The following NR6A1 variants were observed in gnomAD, a reference collection of about 807,000 sequenced individuals.
NR6A1 encodes retinoic acid receptor-related testis-associated receptor.
Under a neutral mutation model 59.1 loss-of-function variants are expected in NR6A1, and 7 were observed. The ratio of observed to expected loss-of-function variants is 0.12; its 90% CI spans 0.07 to 0.22. The LOEUF (loss-of-function observed/expected upper bound fraction) is 0.22. Ranked by LOEUF, NR6A1 falls within the 10% of genes least tolerant of loss-of-function variation. The pLI, the probability that NR6A1 is intolerant of heterozygous loss-of-function variation, is 1.00. For missense variants in NR6A1, 468 were observed against 611.6 expected, an observed-to-expected ratio of 0.77 and a Z score of 2.48; for synonymous variants, 243 against 236.1, an observed-to-expected ratio of 1.03 and a Z score of -0.27.
intron 2 of NR6A1, among the ~76,000 whole-genome samples, chr9:124,708,454 A>G (rs1372602137): frequency 2.0e-5 from 3 of 152,068 alleles, no homozygotes; most frequent in African/African-American, 7.2e-5. Flanking sequence ...GGGGAGAGAG[A>G]ATTTTTTGAC....
At chr9:124,688,597 G>A (rs1564238174) in intron 2 of NR6A1, among the ~76,000 whole-genome samples, 1 of 152,222 alleles carries the variant, frequency 6.6e-6, no homozygotes, top group Non-Finnish European at 1.5e-5. Flanking sequence ...GTGATGGCAA[G>A]AGTATTCACT....
chr9:124,663,209 A>G (rs1837499555), intron 2 of NR6A1, among the ~76,000 whole-genome samples: 1 of 152,228 alleles, frequency 6.6e-6, no homozygotes, highest in Non-Finnish European at 1.5e-5. Flanking sequence ...AACAAATGGT[A>G]CTACCCACAA....
intron 2 of NR6A1, among the ~76,000 whole-genome samples, chr9:124,644,297 TG>T (rs1836869297): frequency 2.5e-5 from 2 of 80,224 alleles, no homozygotes; most frequent in African/African-American, 4.7e-5. Flanking sequence ...TTTTGAGACA[TG>T]GTTTCGCTCT....
rs576151663 is a variant in NR6A1 at position 124,649,408 on chromosome 9, GAAGA to G, written c.142+83896_142+83899del. 5.9e-4 allele frequency among the ~76,000 whole-genome samples: 90 copies of G among 152,168 alleles called. 1 individual carries two copies. In the South Asian group the frequency reaches 0.018, roughly 31 times the overall value. On this transcript the variant is annotated intron_variant, in intron 2 of 9. Coordinates refer to ENST00000487099, the MANE Select transcript of NR6A1 (RefSeq NM_033334.4). ...TGGGAAAGCGAGATGTCCATATGCA[GAAGA>G]AAGAAACTAGATCCTGTTCTCTTAC...
chr9:124,687,800 T>C (rs908623297), intron 2 of NR6A1, among the ~76,000 whole-genome samples: 1 of 152,204 alleles, frequency 6.6e-6, no homozygotes, highest in Non-Finnish European at 1.5e-5. Flanking sequence ...CAAAATAAGA[T>C]AGCTAAATGC....
In NR6A1 at chr9:124,650,672, T is replaced by C. The variant is rs115767445; in HGVS notation, c.142+82636A>G. Among the ~76,000 whole-genome samples the C allele has an allele frequency of 4.2e-3, 639 of 152,326 alleles. 8 individuals are homozygous for C. Among genetic ancestry groups the C allele is most frequent in the African/African-American group, 0.015 (606 of 41,572 alleles). On this transcript the variant is annotated intron_variant, in intron 2 of 9. Coordinates refer to ENST00000487099, the MANE Select transcript of NR6A1 (RefSeq NM_033334.4). ...CCCAATTTGATCATTACACATTGTA[T>C]GCATGTATCAAAATATCACATGTAC... is the stretch of plus-strand genomic sequence containing the variant.
At chr9:124,651,425 T>C (rs940797698) in intron 2 of NR6A1, among the ~76,000 whole-genome samples, 2 of 152,236 alleles carry the variant, frequency 1.3e-5, no homozygotes, top group Non-Finnish European at 2.9e-5. Context: ...CTTTGTCTTA[T>C]GAACCTTGGA....
intron 2 of NR6A1, among the ~76,000 whole-genome samples, chr9:124,616,489 G>C (rs966219384): frequency 6.6e-6 from 1 of 151,034 alleles, no homozygotes; most frequent in Admixed American, 6.6e-5. Flanking sequence ...ATAATATACT[G>C]AGGGGGTGTC....
intron 2 of NR6A1, among the ~76,000 whole-genome samples, chr9:124,653,733 T>C (rs183589797): frequency 2.6e-4 from 40 of 152,254 alleles, no homozygotes; most frequent in Admixed American, 9.8e-4. Flanking sequence ...TTTTGAGAAA[T>C]TGAAAAAATA....
intron 6 of NR6A1, among the ~76,000 whole-genome samples, chr9:124,537,631 C>CT (rs1833309252): frequency 6.6e-6 from 1 of 152,176 alleles, no homozygotes; most frequent in Non-Finnish European, 1.5e-5. Flanking sequence ...AAGAATACTC[C>CT]TTCTACCCAC....
At chr9:124,663,889 G>A (rs1252343897) in intron 2 of NR6A1, among the ~76,000 whole-genome samples, 2 of 152,066 alleles carry the variant, frequency 1.3e-5, no homozygotes, top group Non-Finnish European at 2.9e-5. Context: ...ATTTAATGCT[G>A]ATACAAAGTT....
chr9:124,663,566 G>A (rs1057306459), intron 2 of NR6A1, among the ~76,000 whole-genome samples: 10 of 151,956 alleles, frequency 6.6e-5, no homozygotes, highest in Admixed American at 4.6e-4. Context: ...TATAAACACT[G>A]ACCAGTGTTT....
intron 2 of NR6A1, among the ~76,000 whole-genome samples, chr9:124,718,803 CTTTTTTTTTT>C (rs11316308): frequency 7.7e-5 from 5 of 64,538 alleles, no homozygotes; most frequent in Non-Finnish European, 1.1e-4. Flanking sequence ...AAATTGTTAC[CTTTTTTTTTT>C]TTTTTTTTTT....
intron 2 of NR6A1, among the ~76,000 whole-genome samples, chr9:124,660,832 T>C (rs79023332): frequency 0.01 from 1,573 of 152,082 alleles, 27 homozygotes; most frequent in African/African-American, 0.036. Flanking sequence ...GTAAGAAATA[T>C]CAAAAGCATC....
chr9:124,543,890 A>G, intron 3 of NR6A1, 33 bp from the exon 4 acceptor site: 1 of 1,589,240 alleles, frequency 6.3e-7, no homozygotes, highest in Non-Finnish European at 8.6e-7. Context: ...AAAGGCAGTC[A>G]GAAGCACACT....
intron 1 of NR6A1, among the ~76,000 whole-genome samples, chr9:124,751,870 C>T (rs76911683): frequency 0.016 from 2,511 of 152,234 alleles, 77 homozygotes; most frequent in East Asian, 0.15. Context: ...TAAAATAATT[C>T]GGAACTGAAT....
intron 2 of NR6A1, chr9:124,595,646 AC>A (rs1835251045): frequency 1.2e-5 from 6 of 497,924 alleles, no homozygotes; most frequent in Admixed American, 7.5e-5. Flanking sequence ...CACAAAAAAA[AC>A]AGTTGCCTGT....
At chr9:124,653,638 C>A (rs1348283807) in intron 2 of NR6A1, among the ~76,000 whole-genome samples, 1 of 152,204 alleles carries the variant, frequency 6.6e-6, no homozygotes, top group Non-Finnish European at 1.5e-5. Context: ...GAACTCCTGG[C>A]CTCAAGCAAT....
chr9:124,675,593 T>C (rs1837929724), intron 2 of NR6A1, among the ~76,000 whole-genome samples: 1 of 152,214 alleles, frequency 6.6e-6, no homozygotes, highest in Admixed American at 6.5e-5. Flanking sequence ...CCCAGATTTA[T>C]TCCCAATAGC....
Sources: gnomAD v4.1 joint callset for allele counts (sites outside exome capture counted in the v4.1 genomes callset) on GRCh38, gnomAD v4.1.1 for gene constraint, MANE v1.5 for transcripts, NCBI Gene and HGNC (gene_info 2026-07-23, HGNC 2026-07-21) for gene names.